UBE2L3: variants seen among roughly 807,000 people sequenced by gnomAD.
UBE2L3 encodes ubiquitin-conjugating enzyme E2 L3.
In UBE2L3, 1 loss-of-function variant was observed where a neutral mutation model predicts 17.8. The observed-to-expected ratio is 0.06, with a 90% CI of 0.02 to 0.27. The LOEUF is 0.27. UBE2L3 is among the 10% of genes least tolerant of loss of function. The probability of loss-of-function intolerance (pLI) is 1.00; values close to 1 mark genes in which losing one functional copy is unlikely to be tolerated. For synonymous variants in UBE2L3, 44 were observed against 68.5 expected (o/e 0.64, Z 1.76); for missense variants, 40 against 192.6 (o/e 0.21, Z 4.69).
chr22:21,598,663 A>T (rs1371044570), intron 2 of UBE2L3, among the ~76,000 whole-genome samples: 1 of 151,020 alleles, frequency 6.6e-6, no homozygotes, highest in African/African-American at 2.4e-5. Context: ...GTTCAAAACC[A>T]GCTTGGGCAA....
chr22:21,601,315 T>C (rs1302304358), intron 2 of UBE2L3, among the ~76,000 whole-genome samples: 4 of 151,794 alleles, frequency 2.6e-5, no homozygotes, highest in African/African-American at 9.7e-5. Flanking sequence ...TTTGGGTTTT[T>C]TTGTTTTTTT....
intron 1 of UBE2L3, among the ~76,000 whole-genome samples, chr22:21,573,832 A>G (rs1042302197): frequency 9.2e-5 from 14 of 152,156 alleles, no homozygotes; most frequent in Non-Finnish European, 1.9e-4. Flanking sequence ...GCTTTCCAGA[A>G]GTGTTGAGGC....
At chr22:21,566,724 A>G (rs372104378), upstream of UBE2L3, among the ~76,000 whole-genome samples, 179 of 151,902 alleles carry the variant, frequency 1.2e-3, no homozygotes, top group African/African-American at 3.6e-3. Context: ...CTCCCACCCT[A>G]TAATCCTTTT....
chr22:21,620,562 T>C (rs919951778), intron 3 of UBE2L3, among the ~76,000 whole-genome samples: 3 of 152,026 alleles, frequency 2.0e-5, no homozygotes, highest in Admixed American at 2.0e-4. Context: ...TGAGGAGGTG[T>C]GGGTAGCAGC....
At chr22:21,593,884 T>C (rs1928391775) in intron 2 of UBE2L3, among the ~76,000 whole-genome samples, 1 of 152,164 alleles carries the variant, frequency 6.6e-6, no homozygotes, top group Non-Finnish European at 1.5e-5. Context: ...ATGACTCTTG[T>C]TGGTCTCCTG....
intron 1 of UBE2L3, among the ~76,000 whole-genome samples, chr22:21,572,422 C>CAG (rs71318708): frequency 9.5e-6 from 1 of 104,804 alleles, no homozygotes; most frequent in Non-Finnish European, 1.8e-5. Flanking sequence ...GACTCCGTCT[C>CAG]AAAAAAAAAA....
intron 2 of UBE2L3, among the ~76,000 whole-genome samples, chr22:21,598,585 G>T (rs569424640): frequency 6.8e-6 from 1 of 147,298 alleles, no homozygotes; most frequent in Non-Finnish European, 1.5e-5. Flanking sequence ...GGGGCTGGGT[G>T]CAGTGGCTCA....
intron 2 of UBE2L3, among the ~76,000 whole-genome samples, chr22:21,595,821 T>C (rs985526754): frequency 3.3e-5 from 5 of 152,152 alleles, no homozygotes; most frequent in Non-Finnish European, 7.3e-5. Flanking sequence ...CCAGTGAATG[T>C]GTTTACTCTT....
intron 3 of UBE2L3, among the ~76,000 whole-genome samples, chr22:21,617,308 C>T (rs1256151998): frequency 6.6e-6 from 1 of 151,658 alleles, no homozygotes; most frequent in Non-Finnish European, 1.5e-5. Flanking sequence ...ACTTTGTCAC[C>T]CAGGCTGGAG....
chr22:21,607,630 G>A (rs1929248533), intron 2 of UBE2L3, among the ~76,000 whole-genome samples: 1 of 152,062 alleles, frequency 6.6e-6, no homozygotes, highest in Non-Finnish European at 1.5e-5. Flanking sequence ...GGAAAAGGGA[G>A]TACAATGGGA....
chr22:21,605,848 G>C (rs145390171), intron 2 of UBE2L3, among the ~76,000 whole-genome samples: 146 of 152,038 alleles, frequency 9.6e-4, no homozygotes, highest in East Asian at 8.4e-3. Context: ...CTGTCACCCA[G>C]GCTAGAGTGT....
At chr22:21,609,516 G>T (rs925359756) in intron 2 of UBE2L3, among the ~76,000 whole-genome samples, 8 of 151,990 alleles carry the variant, frequency 5.3e-5, no homozygotes, top group African/African-American at 1.7e-4. Context: ...AGACCAACCT[G>T]GACAACATAG....
chr22:21,588,191 A>C (rs1439630102), intron 1 of UBE2L3, among the ~76,000 whole-genome samples: 1 of 152,154 alleles, frequency 6.6e-6, no homozygotes, highest in African/African-American at 2.4e-5. Context: ...TGGTCTTCCT[A>C]ACTCTGTTCT....
In UBE2L3 at chr22:21,623,361, G is replaced by T. The variant is rs1298428809; in HGVS notation, c.*1692G>T. ...GGCAGGTTTCTGGAGACTCCCTTGT[G>T]CCCGGGATGGCAAGGGCACCGGGCT... On this transcript the variant is annotated 3_prime_UTR_variant, in exon 4 of 4. Coordinates refer to ENST00000342192, the MANE Select transcript of UBE2L3 (RefSeq NM_003347.4). The T allele has an allele frequency of 1.3e-5, 2 of 152,726 alleles. No homozygotes were observed. Among genetic ancestry groups the T allele is most frequent in the African/African-American group, 4.8e-5 (2 of 41,422 alleles). The allele number at this position is 152,726 out of a possible 1,614,324, so 9.5% of individuals were successfully genotyped here.
chr22:21,611,417 G>C (rs1409907907), intron 3 of UBE2L3, among the ~76,000 whole-genome samples: 1 of 152,212 alleles, frequency 6.6e-6, no homozygotes, highest in African/African-American at 2.4e-5. Flanking sequence ...TCATGCAGTA[G>C]TTAGTGCCTG....
intron 1 of UBE2L3, among the ~76,000 whole-genome samples, chr22:21,575,737 TG>T (rs983606270): frequency 4.7e-5 from 6 of 127,584 alleles, no homozygotes; most frequent in African/African-American, 1.7e-4. Context: ...CTGCCTCCCA[TG>T]TTCAAGCCAT....
In UBE2L3 at chr22:21,574,170, C is replaced by G. The variant is rs141526523; in HGVS notation, c.27+6399C>G. 9.7e-3 allele frequency among the ~76,000 whole-genome samples: 1,472 copies of G among 152,208 alleles called. 29 individuals carry two copies. The highest frequency in any genetic ancestry group is 0.034 in the African/African-American group (1,403 of 41,520). ...CATAAATAAGCCTAACCTCCCCAAGCCCCCCACCCCTATAAGAAAGGGAGG... is the reference window on the plus strand; with the variant it reads ...CATAAATAAGCCTAACCTCCCCAAGGCCCCCACCCCTATAAGAAAGGGAGG... On this transcript the variant is annotated intron_variant, in intron 1 of 3. Coordinates refer to ENST00000342192, the MANE Select transcript of UBE2L3 (RefSeq NM_003347.4).
At chr22:21,606,750 G>T (rs946098988) in intron 2 of UBE2L3, among the ~76,000 whole-genome samples, 1 of 152,158 alleles carries the variant, frequency 6.6e-6, no homozygotes, top group African/African-American at 2.4e-5. Flanking sequence ...TTGGGAGGCT[G>T]AGGTGGGAGG....
chr22:21,613,453 G>C (rs1441614843), intron 3 of UBE2L3, among the ~76,000 whole-genome samples: 3 of 152,138 alleles, frequency 2.0e-5, no homozygotes, highest in Non-Finnish European at 2.9e-5. Context: ...ATGATGGACA[G>C]AACTGGAATT....
Sources: allele counts gnomAD v4.1 joint callset (sites outside exome capture counted in the v4.1 genomes callset), GRCh38; gene constraint gnomAD v4.1.1; transcripts MANE v1.5; gene names NCBI Gene and HGNC (gene_info 2026-07-23, HGNC 2026-07-21).